Variants in TMPRSS11E observed in about 807,000 individuals in gnomAD.
TMPRSS11E encodes transmembrane protease serine 11E.
Under a neutral mutation model 48.1 loss-of-function variants are expected in TMPRSS11E, and 38 were observed. The observed-to-expected ratio is 0.79, with a 90% confidence interval of 0.61 to 1.04. The LOEUF is 1.04. Among genes scored for constraint, TMPRSS11E ranks in the 50% least tolerant of loss-of-function variants. The pLI is 0.00. For synonymous variants in TMPRSS11E, 158 were observed against 171.9 expected, an observed-to-expected ratio of 0.92 and a Z score of 0.63; for missense variants, 530 against 510.8, an observed-to-expected ratio of 1.04 and a Z score of -0.36.
intron 1 of TMPRSS11E, among the ~76,000 whole-genome samples, chr4:68,459,608 A>AT (rs1252058754): frequency 1.3e-5 from 2 of 152,336 alleles, no homozygotes; most frequent in East Asian, 1.9e-4. Context: ...TTTAATGTTA[A>AT]TACATGAAAC....
chr4:68,465,290 G>A (rs898731278), intron 2 of TMPRSS11E, among the ~76,000 whole-genome samples: 2 of 152,034 alleles, frequency 1.3e-5, no homozygotes, highest in Non-Finnish European at 2.9e-5. Context: ...ATCACCAACC[G>A]CACCCAAGCC....
At chr4:68,454,081 G>T (rs1209915940) in intron 1 of TMPRSS11E, among the ~76,000 whole-genome samples, 1 of 151,908 alleles carries the variant, frequency 6.6e-6, no homozygotes, top group Non-Finnish European at 1.5e-5. Context: ...AAAGATCAAG[G>T]TTTCTGTTAT....
At chr4:68,494,977 A>C (rs1369848791) in intron 9 of TMPRSS11E, among the ~76,000 whole-genome samples, 1 of 152,136 alleles carries the variant, frequency 6.6e-6, no homozygotes, top group African/African-American at 2.4e-5. Context: ...CAGTGCCCCA[A>C]ATGTGTCTGC....
intron 9 of TMPRSS11E, among the ~76,000 whole-genome samples, chr4:68,490,945 G>A (rs1199744297): frequency 6.6e-6 from 1 of 151,770 alleles, no homozygotes; most frequent in Non-Finnish European, 1.5e-5. Flanking sequence ...TTTTAGTAGA[G>A]ACGGCGTTTT....
rs1347458798 is a variant in TMPRSS11E, at chr4:68,467,309, C to T, written c.258+557C>T. ...CAGATAAGCAACTCTACCCTTAACG[C>T]ATCAACATTCATCTTGAGGGATCAA... On this transcript the variant is annotated intron_variant, in intron 3 of 9. Transcript: ENST00000305363. 2.6e-5 allele frequency among the ~76,000 whole-genome samples: 4 copies of T among 152,242 alleles called. No homozygotes were observed. In the East Asian group the frequency reaches 5.8e-4, roughly 22 times the overall value.
intron 9 of TMPRSS11E, among the ~76,000 whole-genome samples, chr4:68,488,640 G>A (rs1729629583): frequency 6.6e-6 from 1 of 152,082 alleles, no homozygotes; most frequent in Admixed American, 6.6e-5. Context: ...CCGGGTTAAT[G>A]CCATTCTCCT....
At chr4:68,484,447 T>C (rs913155436) in intron 9 of TMPRSS11E, among the ~76,000 whole-genome samples, 27 of 152,092 alleles carry the variant, frequency 1.8e-4, no homozygotes, top group Non-Finnish European at 4.4e-5. Flanking sequence ...GCGGGGACTA[T>C]AGGCATTCAC....
chr4:68,460,755 C>A (rs1728766398), intron 1 of TMPRSS11E, among the ~76,000 whole-genome samples: 1 of 152,122 alleles, frequency 6.6e-6, no homozygotes, highest in Admixed American at 6.5e-5. Flanking sequence ...AATATTATAA[C>A]CCAATGGGAC....
rs1461201504 is a variant in TMPRSS11E, at chr4:68,471,463, A to G, written c.330A>G (p.Gln110=). The G allele has an allele frequency of 6.6e-7, 1 of 1,506,482 alleles. No individual in the cohort carries two copies. Among genetic ancestry groups the G allele is most frequent in the Non-Finnish European group, 8.8e-7 (1 of 1,130,260 alleles). The allele number at this position is 1,506,482 out of a possible 1,614,324, so 93.3% of individuals were successfully genotyped here. ...TTTCTTCTTTTTTGGCCCACAGTCA[A>G]CAGAAGCATGGAGTGTTGGCTCATA... is the stretch of plus-strand genomic sequence containing the variant. ...FVKSQVIKFS[Q]QKHGVLAHML... The change falls in exon 5 of 10, where the codon CAA becomes CAG. Residue 110 remains glutamine (Q), a synonymous_variant. Coordinates refer to ENST00000305363, the MANE Select transcript of TMPRSS11E (RefSeq NM_014058.4).
intron 7 of TMPRSS11E, among the ~76,000 whole-genome samples, chr4:68,476,995 AC>A (rs1302088851): frequency 6.6e-6 from 1 of 152,112 alleles, no homozygotes; most frequent in Non-Finnish European, 1.5e-5. Flanking sequence ...TATTGTGTGG[AC>A]TTTTTGGTTT....
At position 68,496,656 on chromosome 4, in the gene TMPRSS11E, G is replaced by A; in HGVS notation, c.1124G>A (p.Gly375Glu). 1 of 1,612,056 alleles carries A rather than the reference G, an allele frequency of 6.2e-7. No homozygotes were observed. Among genetic ancestry groups the A allele is most frequent in the Non-Finnish European group, 8.5e-7 (1 of 1,179,054 alleles). ...CTTCTCCTTTAGGGTGACTCTGGAG[G>A]ACCACTGGTTAGTTCAGATGCTAGA... ...KTDACQGDSG[G>E]PLVSSDARDI... Residue 375 changes from glycine to glutamate, a missense_variant, in exon 10 of 10, where the codon GGA becomes GAA. Coordinates refer to ENST00000305363, the MANE Select transcript of TMPRSS11E (RefSeq NM_014058.4).
chr4:68,448,745 AAAAAACC>A (rs1228351903), intron 1 of TMPRSS11E, among the ~76,000 whole-genome samples: 2 of 151,848 alleles, frequency 1.3e-5, no homozygotes, highest in Non-Finnish European at 2.9e-5. Context: ...TCTCTCATGG[AAAAAACC>A]AAAAACCAAA....
intron 1 of TMPRSS11E, among the ~76,000 whole-genome samples, chr4:68,449,533 G>A (rs1249250564): frequency 1.3e-5 from 2 of 151,748 alleles, no homozygotes; most frequent in African/African-American, 4.8e-5. Flanking sequence ...AATAGGGTAA[G>A]CACTGTCTCT....
In TMPRSS11E at chr4:68,469,029, A is replaced by G. The variant is rs889848438; in HGVS notation, c.326+83A>G. The G allele has an allele frequency of 6.3e-6, 7 of 1,103,032 alleles. 1 individual carries two copies. The highest frequency in any genetic ancestry group is 9.6e-6 in the Non-Finnish European group (7 of 727,532). 68.3% of individuals were successfully genotyped at this position (1,103,032 alleles called of 1,614,324 possible). A position where few individuals can be genotyped will look rare whatever the true frequency, so the allele number is the denominator to read the frequency against. ...AGCAATAAATATGTTTTCAAGTGTT[A>G]AAGATATAATTCAATCCAACAAACA... On this transcript the variant is annotated intron_variant, in intron 4 of 9. Coordinates refer to ENST00000305363, the MANE Select transcript of TMPRSS11E (RefSeq NM_014058.4).
intron 9 of TMPRSS11E, among the ~76,000 whole-genome samples, chr4:68,492,252 T>C (rs1729745340): frequency 6.6e-6 from 1 of 152,200 alleles, no homozygotes. Context: ...AGATTCCATA[T>C]TTGCAAATTC....
chr4:68,491,434 C>T (rs573554741), intron 9 of TMPRSS11E, among the ~76,000 whole-genome samples: 2 of 151,648 alleles, frequency 1.3e-5, no homozygotes, highest in East Asian at 3.9e-4. Flanking sequence ...TTTGTAATGC[C>T]CAGGTATTTT....
chr4:68,485,719 A>G (rs1254649266), intron 9 of TMPRSS11E, among the ~76,000 whole-genome samples: 2 of 152,136 alleles, frequency 1.3e-5, no homozygotes, highest in Non-Finnish European at 2.9e-5. Flanking sequence ...TTTTCAATAT[A>G]ATTGGTACCA....
In TMPRSS11E at chr4:68,478,921, C is replaced by T. The variant is rs1729323374; in HGVS notation, c.1040C>T (p.Ala347Val). The change falls in exon 9 of 10, where the codon GCT becomes GTT. Residue 347 changes from alanine (A) to valine (V), a missense_variant. Ala to Val is a moderately conservative substitution (Grantham distance 64, BLOSUM62 0). Coordinates refer to ENST00000305363, the MANE Select transcript of TMPRSS11E (RefSeq NM_014058.4). ...GCTACAACTTGCAATGAACCTCAAG[C>T]TTACAATGACGCCATAACTCCTAGA... is the stretch of plus-strand genomic sequence containing the variant. Reference protein sequence around the residue: ...IDATTCNEPQAYNDAITPRML... With the variant: ...IDATTCNEPQVYNDAITPRML... 3 of 1,614,052 alleles carry T rather than the reference C, an allele frequency of 1.9e-6. No individual in the cohort carries two copies. Among genetic ancestry groups the T allele is most frequent in the Non-Finnish European group, 2.5e-6 (3 of 1,179,972 alleles).
intron 8 of TMPRSS11E, among the ~76,000 whole-genome samples, chr4:68,478,472 T>TTA (rs878907082): frequency 2.3e-4 from 33 of 144,486 alleles, no homozygotes; most frequent in Non-Finnish European, 4.1e-4. Context: ...TTTTTTTTTT[T>TTA]AAGATGGGGC....
Sources: allele counts gnomAD v4.1 joint callset (sites outside exome capture counted in the v4.1 genomes callset), GRCh38; gene constraint gnomAD v4.1.1; transcripts MANE v1.5; gene names NCBI Gene and HGNC (gene_info 2026-07-23, HGNC 2026-07-21).